FAM234A: variants seen among roughly 807,000 people sequenced by gnomAD.
The protein encoded by FAM234A is family with sequence similarity 234 member A.
A neutral mutation model predicts 49.1 loss-of-function variants in FAM234A; 42 were observed. The ratio of observed to expected loss-of-function variants is 0.86; its 90% CI spans 0.67 to 1.11. The LOEUF (loss-of-function observed/expected upper bound fraction) is 1.11, where lower values mean the gene tolerates loss of function less well. FAM234A is among the 50% of genes least tolerant of loss of function. The pLI is 0.00. For synonymous variants in FAM234A, 369 were observed against 316.2 expected (o/e 1.17, Z -1.77); for missense variants, 815 against 745.2 (o/e 1.09, Z -1.09).
downstream of FAM234A, chr16:269,800 A>G (rs1596883737): frequency 2.2e-5 from 12 of 541,924 alleles, no homozygotes; most frequent in East Asian, 3.7e-4. Context: ...GCAGCAAAAA[A>G]TGGCAAGAGC....
At chr16:269,767 C>T (rs1429067108), downstream of FAM234A, 3 of 575,940 alleles carry the variant, frequency 5.2e-6, no homozygotes, top group Non-Finnish European at 9.2e-6. Flanking sequence ...GAGACCTGGG[C>T]TCCCGTCTGC....
intron 1 of FAM234A, among the ~76,000 whole-genome samples, chr16:239,475 C>T (rs563442232): frequency 2.7e-5 from 4 of 149,582 alleles, no homozygotes; most frequent in Non-Finnish European, 5.9e-5. Context: ...ACTAGTCGGA[C>T]GTGGTGGCGG....
chr16:268,704 A>G (rs2051782714), downstream of FAM234A: 1 of 1,473,948 alleles, frequency 6.8e-7, no homozygotes, highest in African/African-American at 1.4e-5. Flanking sequence ...GCGAGGGAGG[A>G]ATAGGCGCAG....
intron 1 of FAM234A, among the ~76,000 whole-genome samples, chr16:241,286 A>AAAT (rs34730569): frequency 6.6e-6 from 1 of 151,392 alleles, no homozygotes; most frequent in Non-Finnish European, 1.5e-5. Flanking sequence ...AAAAAAAAAA[A>AAAT]GCTGTCTGCT....
chr16:251,419 G>C (rs917323139), intron 2 of FAM234A, among the ~76,000 whole-genome samples: 1 of 151,930 alleles, frequency 6.6e-6, no homozygotes, highest in Non-Finnish European at 1.5e-5. Flanking sequence ...CTGTCACCCA[G>C]GTGGCAGTGC....
chr16:243,811 G>T (rs1180233341), intron 1 of FAM234A, among the ~76,000 whole-genome samples: 4 of 152,310 alleles, frequency 2.6e-5, no homozygotes, highest in African/African-American at 4.8e-5. Flanking sequence ...CTGTATAGCA[G>T]TAAGAGTTCC....
downstream of FAM234A, chr16:269,360 G>A (rs2051809078): frequency 1.9e-6 from 3 of 1,603,580 alleles, no homozygotes; most frequent in East Asian, 2.2e-5. Context: ...CGAGTGCCGT[G>A]GCCTCCACGT....
chr16:247,138 G>A (rs1478466434), intron 1 of FAM234A: 7 of 151,416 alleles, frequency 4.6e-5, no homozygotes, highest in African/African-American at 1.7e-4. Context: ...GTTCTGTTTT[G>A]TTTTGTTTTG....
Position 264,620 on chromosome 16 carries a change from G to C in FAM234A, c.1351G>C (p.Gly451Arg), listed in dbSNP as rs374928451. The change falls in exon 12 of 13, where the codon GGG (glycine) becomes CGG (arginine). Residue 451 changes from glycine to arginine, a missense_variant. Gly to Arg is a moderately radical substitution (Grantham distance 125, BLOSUM62 -2). Transcript: ENST00000399932. ...ELGSTSETET[G>R]EARHSLYMFH... Reference sequence around the variant, plus strand: ...TTGCTGGTTCTCGCTCCAGGAGACCGGGGAGGCCCGGCACAGCCTGTACAT... The same window carrying C: ...TTGCTGGTTCTCGCTCCAGGAGACCCGGGAGGCCCGGCACAGCCTGTACAT... The C allele has an allele frequency of 1.8e-5, 29 of 1,607,802 alleles. No homozygotes were observed. In the East Asian group the frequency reaches 6.0e-4, roughly 33 times the overall value.
At position 249,850 on chromosome 16, in the gene FAM234A, G is replaced by A. The variant is rs187772379; in HGVS notation, c.-34+196G>A. On this transcript the variant is annotated intron_variant, in intron 2 of 12. Transcript: ENST00000399932. ...TTTTAAAGCTCTTAAGTTTAAAGCC[G>A]TAAAGATAGAAATCCAGAATTATAA... 5.3e-5 allele frequency among the ~76,000 whole-genome samples: 8 copies of A among 152,220 alleles called. No homozygotes were observed. The East Asian group carries it at 7.7e-4, about 15-fold the overall frequency.
intron 2 of FAM234A, chr16:254,126 T>C: frequency 2.3e-6 from 1 of 429,606 alleles, no homozygotes; most frequent in South Asian, 2.5e-5. Context: ...ACCAGCGTGT[T>C]CTGGATGAAA....
rs537858370 is a variant in FAM234A at position 251,212 on chromosome 16, T to C, written c.-34+1558T>C. ...ACCTCGTAATCCTCCCGCCTTGGCC[T>C]CTCAAAGTGTTGGGATCACAGGCGT... On this transcript the variant is annotated intron_variant, in intron 2 of 12. Coordinates refer to ENST00000399932, the MANE Select transcript of FAM234A (RefSeq NM_032039.4). 3.3e-4 allele frequency among the ~76,000 whole-genome samples: 50 copies of C among 152,282 alleles called. 1 individual carries two copies. The highest frequency in any genetic ancestry group is 1.2e-3 in the African/African-American group (50 of 41,570).
intron 1 of FAM234A, among the ~76,000 whole-genome samples, chr16:241,063 G>A (rs1421805882): frequency 6.6e-6 from 1 of 151,962 alleles, no homozygotes; most frequent in African/African-American, 2.4e-5. Context: ...GGGACTAGAG[G>A]CACATACCAC....
chr16:264,597 G>T lies in FAM234A; in HGVS notation c.1345-17G>T, dbSNP rs770176149. On this transcript the variant is annotated splice_polypyrimidine_tract_variant and intron_variant, in intron 11 of 12. Coordinates refer to ENST00000399932, the MANE Select transcript of FAM234A (RefSeq NM_032039.4). Reference sequence around the variant, plus strand: ...CTCAGTGAAGGGCGTGGGGCCCATTGCTGGTTCTCGCTCCAGGAGACCGGG... The same window carrying T: ...CTCAGTGAAGGGCGTGGGGCCCATTTCTGGTTCTCGCTCCAGGAGACCGGG... The T allele has an allele frequency of 3.2e-6, 5 of 1,568,036 alleles. No homozygotes were observed. In the African/African-American group the frequency reaches 4.1e-5, roughly 13 times the overall value.
chr16:269,294 G>C (rs1360201405), downstream of FAM234A: 3 of 1,582,064 alleles, frequency 1.9e-6, no homozygotes, highest in Non-Finnish European at 2.6e-6. Context: ...TCCACCCCCA[G>C]GGCCACAAGC....
At chr16:249,953 A>AT (rs1056336433) in intron 2 of FAM234A, among the ~76,000 whole-genome samples, 6 of 151,174 alleles carry the variant, frequency 4.0e-5, no homozygotes, top group African/African-American at 1.2e-4. Flanking sequence ...TTTAAAAAAA[A>AT]TTTTTCTTTT....
intron 1 of FAM234A, among the ~76,000 whole-genome samples, chr16:242,981 C>CTT (rs202179166): frequency 1.0e-3 from 142 of 139,396 alleles, no homozygotes; most frequent in African/African-American, 3.0e-3. Flanking sequence ...TGAGCCCTCA[C>CTT]TTTTTTTTTT....
chr16:263,128 C>G, intron 8 of FAM234A, 134 bp from the exon 9 acceptor site: 1 of 1,129,976 alleles, frequency 8.8e-7, no homozygotes, highest in South Asian at 1.5e-5. Context: ...CTTCTCTTTT[C>G]AAGCTGTAGA....
At chr16:260,341 G>A (rs1283156284) in intron 5 of FAM234A, 181 bp downstream of exon 5, 7 of 627,738 alleles carry the variant, frequency 1.1e-5, no homozygotes, top group East Asian at 2.8e-5. Context: ...GAAGGCACAC[G>A]CCTCGGCTGC....
Sources: gnomAD v4.1 joint callset for allele counts (sites outside exome capture counted in the v4.1 genomes callset) on GRCh38, gnomAD v4.1.1 for gene constraint, MANE v1.5 for transcripts, NCBI Gene and HGNC (gene_info 2026-07-23, HGNC 2026-07-21) for gene names.